PAK5: variants seen among roughly 807,000 people sequenced by gnomAD.
PAK5 encodes p21 (RAC1) activated kinase 5.
PAK5 carries 16 observed loss-of-function variants against 65.9 expected under a neutral mutation model. The observed-to-expected ratio is 0.24, with a 90% CI of 0.16 to 0.37. The LOEUF (loss-of-function observed/expected upper bound fraction) is 0.37, where lower values mean the gene tolerates loss of function less well. Ranked by LOEUF, PAK5 falls within the 10% of genes least tolerant of loss-of-function variation. The pLI is 1.00. For synonymous variants in PAK5, 371 were observed against 354.9 expected, an observed-to-expected ratio of 1.05 and a Z score of -0.51; for missense variants, 785 against 903.9, an observed-to-expected ratio of 0.87 and a Z score of 1.69.
intron 2 of PAK5, among the ~76,000 whole-genome samples, chr20:9,660,555 T>C (rs1490123791): frequency 1.3e-5 from 2 of 151,186 alleles, no homozygotes; most frequent in Non-Finnish European, 2.9e-5. Flanking sequence ...ATAAGGCCCG[T>C]GAGAAAAAAA....
At chr20:9,674,685 T>G (rs6133737) in intron 2 of PAK5, among the ~76,000 whole-genome samples, 36,879 of 152,000 alleles carry the variant, frequency 0.24, 6,223 homozygotes, top group African/African-American at 0.46. Context: ...CGAGATTTAT[T>G]GAGGGAGTGC....
At chr20:9,789,611 G>A (rs535120299) in intron 1 of PAK5, among the ~76,000 whole-genome samples, 14 of 152,210 alleles carry the variant, frequency 9.2e-5, no homozygotes, top group Non-Finnish European at 1.6e-4. Flanking sequence ...TTCAGACCAG[G>A]AAGGGTCCAC....
At chr20:9,787,616 A>T (rs894807721) in intron 1 of PAK5, among the ~76,000 whole-genome samples, 5 of 127,498 alleles carry the variant, frequency 3.9e-5, no homozygotes, top group African/African-American at 1.2e-4. Context: ...GGCTATGAAA[A>T]GGATGTGTGT....
chr20:9,675,974 T>C (rs921762472), intron 2 of PAK5, among the ~76,000 whole-genome samples: 2 of 152,196 alleles, frequency 1.3e-5, no homozygotes, highest in Admixed American at 1.3e-4. Flanking sequence ...TTTATTTTCA[T>C]GCTGCTGATA....
intron 2 of PAK5, among the ~76,000 whole-genome samples, chr20:9,655,366 A>T (rs1180012856): frequency 1.3e-5 from 2 of 151,922 alleles, no homozygotes; most frequent in Non-Finnish European, 2.9e-5. Flanking sequence ...CTGATTTTTT[A>T]TACATAAACA....
At chr20:9,624,450 C>A (rs1297221419) in intron 3 of PAK5, among the ~76,000 whole-genome samples, 3 of 151,960 alleles carry the variant, frequency 2.0e-5, no homozygotes, top group African/African-American at 7.3e-5. Flanking sequence ...AGAATTTGTA[C>A]ACTTGGAAGG....
At chr20:9,614,920 A>C (rs1176799238) in intron 3 of PAK5, among the ~76,000 whole-genome samples, 2 of 152,236 alleles carry the variant, frequency 1.3e-5, no homozygotes, top group African/African-American at 4.8e-5. Flanking sequence ...AGTGAAGGTA[A>C]AATGAAATTT....
chr20:9,766,866 A>G (rs542180814), intron 1 of PAK5, among the ~76,000 whole-genome samples: 12 of 152,134 alleles, frequency 7.9e-5, no homozygotes, highest in African/African-American at 2.9e-4. Context: ...AAACATATCA[A>G]GCTATATATG....
chr20:9,618,924 T>TG (rs2046718330), intron 3 of PAK5, among the ~76,000 whole-genome samples: 2 of 98,304 alleles, frequency 2.0e-5, no homozygotes, highest in African/African-American at 3.9e-5. Flanking sequence ...CGTTTTTTTT[T>TG]TTTTTTTTTT....
chr20:9,663,116 A>G (rs933145524), intron 2 of PAK5, among the ~76,000 whole-genome samples: 1 of 152,220 alleles, frequency 6.6e-6, no homozygotes, highest in African/African-American at 2.4e-5. Context: ...ATTGTAATAC[A>G]TTATAGCAGA....
chr20:9,684,785 C>A (rs2123414479), intron 2 of PAK5, among the ~76,000 whole-genome samples: 1 of 152,250 alleles, frequency 6.6e-6, no homozygotes, highest in Admixed American at 6.5e-5. Flanking sequence ...TCCAGGAATT[C>A]TAATAAATAG....
chr20:9,805,720 C>T (rs2049223498), intron 1 of PAK5, among the ~76,000 whole-genome samples: 1 of 151,996 alleles, frequency 6.6e-6, no homozygotes, highest in African/African-American at 2.4e-5. Context: ...TTAGTTTTTG[C>T]AGGGGCCTGG....
chr20:9,615,942 C>G (rs2046648550), intron 3 of PAK5, among the ~76,000 whole-genome samples: 1 of 152,178 alleles, frequency 6.6e-6, no homozygotes, highest in Admixed American at 6.5e-5. Flanking sequence ...CCACAGCAAG[C>G]AACCCAAGAA....
At chr20:9,714,484 C>A (rs1295605515) in intron 1 of PAK5, among the ~76,000 whole-genome samples, 2 of 152,062 alleles carry the variant, frequency 1.3e-5, no homozygotes, top group Admixed American at 6.6e-5. Context: ...TTTTCCAGTG[C>A]ATTTGAAAAA....
At chr20:9,650,909 A>T in intron 2 of PAK5, among the ~76,000 whole-genome samples, 1 of 152,204 alleles carries the variant, frequency 6.6e-6, no homozygotes, top group South Asian at 2.1e-4. Flanking sequence ...CTATTTTAAA[A>T]ATATTTTTGT....
intron 3 of PAK5, among the ~76,000 whole-genome samples, chr20:9,626,304 G>T (rs777426036): frequency 9.9e-5 from 15 of 151,996 alleles, no homozygotes; most frequent in Non-Finnish European, 1.3e-4. Context: ...GCTGTCAAAA[G>T]GAAACTAAGT....
At chr20:9,650,360 A>G (rs994733815) in intron 2 of PAK5, among the ~76,000 whole-genome samples, 1 of 152,112 alleles carries the variant, frequency 6.6e-6, no homozygotes, top group Admixed American at 6.5e-5. Flanking sequence ...GATTTATATG[A>G]CTGTGTCACT....
At chr20:9,738,040 C>T (rs2048409607) in intron 1 of PAK5, among the ~76,000 whole-genome samples, 1 of 152,270 alleles carries the variant, frequency 6.6e-6, no homozygotes, top group Admixed American at 6.5e-5. Context: ...ACTTGGGAGG[C>T]TGAGGCAGGA....
chr20:9,567,918 A>G (rs1269805950), intron 4 of PAK5, among the ~76,000 whole-genome samples: 1 of 152,216 alleles, frequency 6.6e-6, no homozygotes, highest in Non-Finnish European at 1.5e-5. Flanking sequence ...TTGGAGCAGA[A>G]GCCTGGCTGA....
Sources: gnomAD v4.1 joint callset for allele counts (sites outside exome capture counted in the v4.1 genomes callset) on GRCh38, gnomAD v4.1.1 for gene constraint, MANE v1.5 for transcripts, NCBI Gene and HGNC (gene_info 2026-07-23, HGNC 2026-07-21) for gene names.